The following MSN variants were observed in gnomAD, a reference collection of about 807,000 sequenced individuals.
MSN encodes the protein moesin.
A neutral mutation model predicts 48.0 loss-of-function variants in MSN; 2 were observed. The observed-to-expected ratio is 0.04, with a 90% confidence interval of 0.02 to 0.13. The LOEUF is 0.13. Among genes scored for constraint, MSN ranks in the 10% least tolerant of loss-of-function variants. The probability of loss-of-function intolerance (pLI) is 1.00; values close to 1 mark genes in which losing one functional copy is unlikely to be tolerated. For missense variants in MSN, 267 were observed against 470.1 expected, an observed-to-expected ratio of 0.57 and a Z score of 3.99; for synonymous variants, 146 against 166.9, an observed-to-expected ratio of 0.87 and a Z score of 0.97.
chrX:65,626,935 C>A (rs2070511846), intron 1 of MSN, among the ~76,000 whole-genome samples: 2 of 112,037 alleles, frequency 1.8e-5, no homozygotes, highest in South Asian at 7.4e-4. Context: ...GGGTCCCACA[C>A]TGGGAACATG....
chrX:65,626,443 G>A (rs181557600), intron 1 of MSN, among the ~76,000 whole-genome samples: 33 of 111,697 alleles, frequency 3.0e-4, no homozygotes, highest in Admixed American at 9.5e-4. Flanking sequence ...TTGCTGTTTC[G>A]TTGATTGTTG....
chrX:65,665,618 C>T (rs2070861505), upstream of MSN, among the ~76,000 whole-genome samples: 1 of 111,770 alleles, frequency 8.9e-6, no homozygotes, highest in Non-Finnish European at 1.9e-5. Context: ...AGTGCAAATG[C>T]AAGACCAGCC....
chrX:65,733,603 T>C (rs1230599515), intron 7 of MSN, among the ~76,000 whole-genome samples: 3 of 112,285 alleles, frequency 2.7e-5, no homozygotes, highest in Non-Finnish European at 3.8e-5. Context: ...GGAAACCGAA[T>C]GCATCTCATA....
chrX:65,588,392 G>C, exon 1 of MSN: 1 of 183,237 alleles, frequency 5.5e-6, no homozygotes, highest in Non-Finnish European at 9.5e-6. Flanking sequence ...TCTGGCCACA[G>C]CAGGAAGAAG....
At chrX:65,640,242 C>T (rs2070638298) in intron 1 of MSN, among the ~76,000 whole-genome samples, 2 of 112,003 alleles carry the variant, frequency 1.8e-5, no homozygotes, top group South Asian at 3.7e-4. Context: ...TGTTTCAGCA[C>T]TCAAAATGTC....
In MSN at chrX:65,739,986, C is replaced by T; in HGVS notation, c.*93C>T. 2.1e-6 allele frequency: 2 copies of T among 974,872 alleles called. No individual in the cohort carries two copies. The highest frequency in any genetic ancestry group is 2.8e-6 in the Non-Finnish European group (2 of 714,352). The allele number at this position is 974,872 out of a possible 1,213,427, so 80.3% of individuals were successfully genotyped here. A position where few individuals can be genotyped will look rare whatever the true frequency, so the allele number is the denominator to read the frequency against. ...CCTAACTCATACTGTGCTGGAGCCA[C>T]TAACTAGAGCAGCCCTGGAGTCATG... On this transcript the variant is annotated 3_prime_UTR_variant, in exon 13 of 13. Transcript: ENST00000360270.
At chrX:65,607,173 C>T (rs5964989) in intron 1 of MSN, among the ~76,000 whole-genome samples, 14,477 of 111,759 alleles carry the variant, frequency 0.13, 2,277 homozygotes, top group African/African-American at 0.44. Context: ...GAAATTGAGG[C>T]GAGAGAAGTT....
chrX:65,627,298 A>T (rs1054150300), intron 1 of MSN, among the ~76,000 whole-genome samples: 1 of 110,374 alleles, frequency 9.1e-6, no homozygotes, highest in Non-Finnish European at 1.9e-5. Context: ...ATGTATTAAT[A>T]CATATGTATT....
chrX:65,684,457 A>C (rs1328070637), intron 1 of MSN, among the ~76,000 whole-genome samples: 1 of 102,093 alleles, frequency 9.8e-6, no homozygotes, highest in Non-Finnish European at 2.0e-5. Flanking sequence ...TTTTTTTTTG[A>C]GGCAGAGTTT....
intron 1 of MSN, among the ~76,000 whole-genome samples, chrX:65,615,294 C>T (rs1183836525): frequency 9.2e-4 from 99 of 107,901 alleles, no homozygotes; most frequent in East Asian, 3.2e-3. Context: ...ACTTCCACAA[C>T]GGTTGAACTA....
Position 65,683,389 on chromosome X carries a change from C to T in MSN, c.12+15536C>T, listed in dbSNP as rs890837963. Among the ~76,000 whole-genome samples the T allele has an allele frequency of 2.1e-4, 20 of 93,281 alleles. No homozygotes were observed. The East Asian group carries it at 4.7e-3, about 22-fold the overall frequency. The allele number at this position is 93,281 out of a possible 115,157, so 81.0% of individuals were successfully genotyped here. A position where few individuals can be genotyped will look rare whatever the true frequency, so the allele number is the denominator to read the frequency against. ...CTCTTGCTATTGCTACTGTTGCCGC[C>T]GCCGCCACCACCACCACCACCACCA... is the stretch of plus-strand genomic sequence containing the variant. On this transcript the variant is annotated intron_variant, in intron 1 of 12. Transcript: ENST00000360270.
At chrX:65,624,394 T>A (rs1254361620) in intron 1 of MSN, among the ~76,000 whole-genome samples, 2 of 110,789 alleles carry the variant, frequency 1.8e-5, no homozygotes, top group Non-Finnish European at 3.8e-5. Flanking sequence ...ACTTACTTAT[T>A]CCCTCTTTCT....
At position 65,620,382 on chromosome X, in the gene MSN, C is replaced by T. The variant is rs749929893; in HGVS notation, c.-22+31770C>T. Among the ~76,000 whole-genome samples the T allele has an allele frequency of 2.6e-3, 299 of 113,721 alleles. 3 individuals are homozygous for T. Among genetic ancestry groups the T allele is most frequent in the African/African-American group, 9.1e-3 (288 of 31,519 alleles). ...GAGACTCCGTGGGCGCAGGAACCTC[C>T]GAGCCAGGTGCGGGATACAATCTCG... On this transcript the variant is annotated intron_variant, in intron 1 of 3. Transcript: ENST00000609672.
chrX:65,600,918 C>T (rs1227001884), intron 1 of MSN, among the ~76,000 whole-genome samples: 2 of 111,305 alleles, frequency 1.8e-5, no homozygotes, highest in Admixed American at 9.6e-5. Flanking sequence ...GGCGAGTGTT[C>T]TCATCATGCT....
At position 65,707,931 on chromosome X, in the gene MSN, A is replaced by G. The variant is rs773228836; in HGVS notation, c.13-8887A>G. On this transcript the variant is annotated intron_variant, in intron 1 of 12. Coordinates refer to ENST00000360270, the MANE Select transcript of MSN (RefSeq NM_002444.3). ...GCTACCTCTGACACGTACACAGAAA[A>G]CAGGAGAGCATAGACCAATGGCCTT... is the stretch of plus-strand genomic sequence containing the variant. Among the ~76,000 whole-genome samples the G allele has an allele frequency of 4.8e-3, 542 of 112,346 alleles. 4 individuals carry two copies. The highest frequency in any genetic ancestry group is 5.9e-3 in the South Asian group (16 of 2,690).
At chrX:65,641,550 GTA>G (rs1168302693) in intron 1 of MSN, among the ~76,000 whole-genome samples, 497 of 15,327 alleles carry the variant, frequency 0.032, 22 homozygotes, top group South Asian at 0.065. Flanking sequence ...AAAAAGTGAA[GTA>G]TATATATATA....
chrX:65,695,534 A>G (rs2071227714), intron 1 of MSN, among the ~76,000 whole-genome samples: 1 of 101,425 alleles, frequency 9.9e-6, no homozygotes. Flanking sequence ...AAAAAAAAAA[A>G]CAAAGAAAGA....
chrX:65,725,579 A>C (rs1215416322), intron 2 of MSN, among the ~76,000 whole-genome samples: 1 of 111,560 alleles, frequency 9.0e-6, no homozygotes, highest in Non-Finnish European at 1.9e-5. Flanking sequence ...AGGTGCTTTA[A>C]AAAAATCTTT....
intron 1 of MSN, among the ~76,000 whole-genome samples, chrX:65,710,568 A>C (rs190119471): frequency 1.2e-4 from 13 of 111,231 alleles, no homozygotes; most frequent in Non-Finnish European, 2.1e-4. Flanking sequence ...TAGGCAAATA[A>C]AAATAAAAAT....
Sources: gnomAD v4.1 joint callset for allele counts (sites outside exome capture counted in the v4.1 genomes callset) on GRCh38, gnomAD v4.1.1 for gene constraint, MANE v1.5 for transcripts, NCBI Gene and HGNC (gene_info 2026-07-23, HGNC 2026-07-21) for gene names.